NXPH1: variants seen among roughly 807,000 people sequenced by gnomAD.
NXPH1 encodes neurexophilin 1, also known as neurexophilin-1.
NXPH1 carries 5 observed loss-of-function variants against 23.7 expected under a neutral mutation model. The ratio of observed to expected loss-of-function variants is 0.21; its 90% confidence interval spans 0.11 to 0.44. The LOEUF (loss-of-function observed/expected upper bound fraction) is 0.44, where lower values mean the gene tolerates loss of function less well. Among genes scored for constraint, NXPH1 ranks in the 20% least tolerant of loss-of-function variants. NXPH1 has a pLI of 0.99. For synonymous variants in NXPH1, 144 were observed against 122.2 expected (o/e 1.18, Z -1.18); for missense variants, 324 against 321.6 (o/e 1.01, Z -0.06).
intron 2 of NXPH1, among the ~76,000 whole-genome samples, chr7:8,713,549 T>G (rs117940165): frequency 0.021 from 3,189 of 152,028 alleles, 48 homozygotes; most frequent in Admixed American, 0.045. Flanking sequence ...CTGAAATATA[T>G]ATTGTAGTCT....
chr7:8,561,662 C>T (rs918082657), intron 2 of NXPH1, among the ~76,000 whole-genome samples: 1 of 151,514 alleles, frequency 6.6e-6, no homozygotes, highest in Non-Finnish European at 1.5e-5. Flanking sequence ...TAGTCCCTAA[C>T]TCCAGGCTGA....
intron 2 of NXPH1, among the ~76,000 whole-genome samples, chr7:8,595,512 G>A (rs1373684037): frequency 6.6e-6 from 1 of 151,940 alleles, no homozygotes; most frequent in East Asian, 1.9e-4. Context: ...AGTTTACATA[G>A]CGAAAATCCT....
At chr7:8,669,458 A>G (rs1024403783) in intron 2 of NXPH1, among the ~76,000 whole-genome samples, 2 of 152,064 alleles carry the variant, frequency 1.3e-5, no homozygotes, top group Admixed American at 6.5e-5. Context: ...GGGGGACAGT[A>G]TGAAGCCTGG....
At chr7:8,518,943 G>C (rs143078718) in intron 2 of NXPH1, among the ~76,000 whole-genome samples, 7 of 151,872 alleles carry the variant, frequency 4.6e-5, no homozygotes, top group Admixed American at 3.9e-4. Flanking sequence ...CTCCCCAAAG[G>C]CTGGAGATAG....
At chr7:8,482,356 T>C (rs539489893) in intron 2 of NXPH1, among the ~76,000 whole-genome samples, 1 of 152,256 alleles carries the variant, frequency 6.6e-6, no homozygotes, top group East Asian at 1.9e-4. Flanking sequence ...CAGTCAAGTC[T>C]CCTCTAGCCA....
chr7:8,664,045 C>A (rs1402462837), intron 2 of NXPH1, among the ~76,000 whole-genome samples: 2 of 151,928 alleles, frequency 1.3e-5, no homozygotes, highest in Non-Finnish European at 2.9e-5. Flanking sequence ...AGTCTTGTTA[C>A]CCTTTTTACT....
intron 2 of NXPH1, among the ~76,000 whole-genome samples, chr7:8,626,699 G>C (rs1395708309): frequency 6.6e-6 from 1 of 151,892 alleles, no homozygotes; most frequent in African/African-American, 2.4e-5. Context: ...TTCAGGATCT[G>C]GTCCTTGATA....
intron 2 of NXPH1, among the ~76,000 whole-genome samples, chr7:8,563,003 A>C (rs1324048001): frequency 6.6e-6 from 1 of 151,740 alleles, no homozygotes; most frequent in East Asian, 1.9e-4. Context: ...GTAGATAATT[A>C]AGTTATGAAT....
At chr7:8,704,063 G>A (rs998880693) in intron 2 of NXPH1, among the ~76,000 whole-genome samples, 7 of 152,238 alleles carry the variant, frequency 4.6e-5, no homozygotes, top group African/African-American at 1.4e-4. Context: ...GACTAAGGAG[G>A]AGATATGTAA....
intron 2 of NXPH1, among the ~76,000 whole-genome samples, chr7:8,446,336 A>G (rs1157912825): frequency 1.3e-5 from 2 of 152,214 alleles, no homozygotes; most frequent in African/African-American, 4.8e-5. Flanking sequence ...GTAACATCTA[A>G]GTACATAATC....
At chr7:8,735,619 C>G (rs1257048502) in intron 2 of NXPH1, among the ~76,000 whole-genome samples, 1 of 152,094 alleles carries the variant, frequency 6.6e-6, no homozygotes, top group Non-Finnish European at 1.5e-5. Flanking sequence ...GTGTCTCTGC[C>G]AGGTTTTGGT....
chr7:8,595,126 T>C (rs1310462032), intron 2 of NXPH1, among the ~76,000 whole-genome samples: 1 of 152,054 alleles, frequency 6.6e-6, no homozygotes, highest in African/African-American at 2.4e-5. Context: ...AAGCACACTT[T>C]TATCTGTCTT....
chr7:8,643,492 G>A (rs74315635), intron 2 of NXPH1, among the ~76,000 whole-genome samples: 7,211 of 152,108 alleles, frequency 0.047, 379 homozygotes, highest in East Asian at 0.17. Flanking sequence ...TTAGCCTTTA[G>A]AAATGTTCTG....
chr7:8,715,094 T>G (rs1311174953), intron 2 of NXPH1, among the ~76,000 whole-genome samples: 1 of 152,176 alleles, frequency 6.6e-6, no homozygotes, highest in Non-Finnish European at 1.5e-5. Context: ...TCTGTGGTGG[T>G]GAGGCTTGCT....
intron 2 of NXPH1, among the ~76,000 whole-genome samples, chr7:8,604,028 G>A (rs566342078): frequency 9.9e-5 from 15 of 152,062 alleles, no homozygotes; most frequent in African/African-American, 3.1e-4. Context: ...AAGATAGTGT[G>A]TTAGCTATGC....
rs1816327432 is a variant in NXPH1 at position 8,442,981 on chromosome 7, C to T, written c.54+7214C>T. Reference sequence around the variant, plus strand: ...GGGCCGGGAGAGCGACTCTTCAGCACCACGGCCAGCGCCACAGGCTCCGCC... The same window carrying T: ...GGGCCGGGAGAGCGACTCTTCAGCATCACGGCCAGCGCCACAGGCTCCGCC... On this transcript the variant is annotated intron_variant, in intron 2 of 2. Coordinates refer to ENST00000405863, the MANE Select transcript of NXPH1 (RefSeq NM_152745.3). The surrounding 1 kb of genome is among the most constrained non-coding windows in gnomAD (Gnocchi z 4.6). Among the ~76,000 whole-genome samples the T allele has an allele frequency of 6.6e-6, 1 of 152,364 alleles. No individual in the cohort carries two copies. The highest frequency in any genetic ancestry group is 2.4e-5 in the African/African-American group (1 of 41,586).
intron 2 of NXPH1, among the ~76,000 whole-genome samples, chr7:8,617,047 T>G (rs1297969598): frequency 6.6e-6 from 1 of 152,032 alleles, no homozygotes; most frequent in Non-Finnish European, 1.5e-5. Context: ...TGGAGCAGTA[T>G]TTGACAATGT....
intron 2 of NXPH1, among the ~76,000 whole-genome samples, chr7:8,437,110 C>T (rs1329215138): frequency 1.3e-5 from 2 of 152,228 alleles, no homozygotes; most frequent in Admixed American, 6.5e-5. Context: ...CGTCCTCGCC[C>T]ACAGGACACC....
chr7:8,694,145 G>A (rs1821266278), intron 2 of NXPH1, among the ~76,000 whole-genome samples: 1 of 152,150 alleles, frequency 6.6e-6, no homozygotes, highest in South Asian at 2.1e-4. Context: ...GGAACATGCT[G>A]GGGCAGACCA....
Sources: gnomAD v4.1 joint callset for allele counts (sites outside exome capture counted in the v4.1 genomes callset) on GRCh38, gnomAD v4.1.1 for gene constraint, Gnocchi (gnomAD v3.1) non-coding constraint, MANE v1.5 for transcripts, NCBI Gene and HGNC (gene_info 2026-07-23, HGNC 2026-07-21) for gene names.